Variants in NECTIN2 observed in about 807,000 individuals in gnomAD.
NECTIN2 encodes the protein nectin cell adhesion molecule 2.
In NECTIN2, 23 loss-of-function variants were observed where a neutral mutation model predicts 56.9. The ratio of observed to expected loss-of-function variants is 0.40; its 90% CI spans 0.29 to 0.57. The LOEUF (loss-of-function observed/expected upper bound fraction) is 0.57, where lower values mean the gene tolerates loss of function less well. Ranked by LOEUF, NECTIN2 falls within the 20% of genes least tolerant of loss-of-function variation. The pLI, the probability that NECTIN2 is intolerant of heterozygous loss-of-function variation, is 0.38. For synonymous variants in NECTIN2, 302 were observed against 313.8 expected (o/e 0.96, Z 0.40); for missense variants, 587 against 718.3 (o/e 0.82, Z 2.09).
intron 1 of NECTIN2, among the ~76,000 whole-genome samples, chr19:44,855,242 G>A (rs2927467): frequency 2.3e-3 from 346 of 150,536 alleles, no homozygotes; most frequent in African/African-American, 8.2e-3. Flanking sequence ...TGGCTAACAC[G>A]GTGAAACCCC....
chr19:44,877,856 C>T (rs892146683), intron 5 of NECTIN2, among the ~76,000 whole-genome samples: 3 of 152,178 alleles, frequency 2.0e-5, no homozygotes, highest in African/African-American at 7.2e-5. Flanking sequence ...TTTGGTGTTG[C>T]TAGATCTGAT....
intron 1 of NECTIN2, among the ~76,000 whole-genome samples, chr19:44,860,417 G>GT (rs1330076292): frequency 1.3e-5 from 2 of 152,082 alleles, no homozygotes; most frequent in African/African-American, 4.8e-5. Context: ...GGGGGCTGAG[G>GT]TGGGAGGATC....
Position 44,872,160 on chromosome 19 carries a change from C to T in NECTIN2, c.775+11C>T, listed in dbSNP as rs771281986. The T allele has an allele frequency of 6.8e-6, 11 of 1,606,356 alleles. 1 individual carries two copies. Among genetic ancestry groups the T allele is most frequent in the Admixed American group, 3.3e-5 (2 of 59,828 alleles). On this transcript the variant is annotated intron_variant, in intron 3 of 8. Coordinates refer to ENST00000252483, the MANE Select transcript of NECTIN2 (RefSeq NM_001042724.2). ...CCCTCTCTGTACGCTGTGAGTGTAT[C>T]GGGGGTGACCCCTCCCCCATCAAAA...
chr19:44,869,525 G>C (rs917790764), intron 2 of NECTIN2, among the ~76,000 whole-genome samples: 20 of 148,640 alleles, frequency 1.3e-4, no homozygotes, highest in Admixed American at 2.1e-4. Flanking sequence ...CCCAGGAGGC[G>C]GAGCTTGCAG....
At position 44,885,531 on chromosome 19, in the gene NECTIN2, C is replaced by T. The variant is rs545051471; in HGVS notation, c.1197-406C>T. 1.1e-4 allele frequency among the ~76,000 whole-genome samples: 16 copies of T among 151,890 alleles called. No homozygotes were observed. In the East Asian group the frequency reaches 3.1e-3, roughly 29 times the overall value. Reference sequence around the variant, plus strand: ...TTCACCATGTTGGCCAGGCTGGTCTCGAACTGCTGACCTCAGATGATCCGC... The same window carrying T: ...TTCACCATGTTGGCCAGGCTGGTCTTGAACTGCTGACCTCAGATGATCCGC... On this transcript the variant is annotated intron_variant, in intron 6 of 8. Transcript: ENST00000252483.
chr19:44,873,374 T>G (rs376807325), intron 3 of NECTIN2, among the ~76,000 whole-genome samples: 49 of 152,272 alleles, frequency 3.2e-4, no homozygotes, highest in African/African-American at 1.2e-3. Flanking sequence ...GGCTCACACC[T>G]GCAATCCCAG....
chr19:44,872,808 T>TTTTTATA (rs1189180725), intron 3 of NECTIN2, among the ~76,000 whole-genome samples: 1,528 of 142,188 alleles, frequency 0.011, 25 homozygotes, highest in African/African-American at 0.037. Flanking sequence ...TTATTATTTA[T>TTTTTATA]TATTATATTT....
At chr19:44,851,131 CA>C (rs1476583557) in intron 1 of NECTIN2, among the ~76,000 whole-genome samples, 3 of 148,934 alleles carry the variant, frequency 2.0e-5, no homozygotes, top group Non-Finnish European at 3.0e-5. Context: ...TCCAGGCCCC[CA>C]TCCCTAATCC....
At chr19:44,886,254 G>T in intron 8 of NECTIN2, 35 bp downstream of exon 8, 7 of 1,564,074 alleles carry the variant, frequency 4.5e-6, no homozygotes, top group Non-Finnish European at 6.2e-6. Flanking sequence ...GTGGGTTGGG[G>T]GTCTGGGTTG....
At position 44,872,014 on chromosome 19, in the gene NECTIN2, G is replaced by A; in HGVS notation, c.640G>A (p.Ala214Thr). 1.2e-6 allele frequency: 2 copies of A among 1,614,180 alleles called. No individual in the cohort carries two copies. Among genetic ancestry groups the A allele is most frequent in the Non-Finnish European group, 8.5e-7 (1 of 1,180,042 alleles). ...AGAGACTCAGGTGTCAGGGACCCTG[G>A]CCGGAACTGTCACTGTCACCAGCCG... ...AKETQVSGTLAGTVTVTSRFT... is the reference protein window; with the variant it reads ...AKETQVSGTLTGTVTVTSRFT... The change falls in exon 3 of 9, where the codon GCC becomes ACC. Residue 214 changes from alanine (A) to threonine (T), a missense_variant. Ala to Thr is a moderately conservative substitution (Grantham distance 58, BLOSUM62 0). Transcript: ENST00000252483.
intron 5 of NECTIN2, among the ~76,000 whole-genome samples, chr19:44,876,940 C>G (rs1706450308): frequency 6.6e-6 from 1 of 152,050 alleles, no homozygotes; most frequent in Non-Finnish European, 1.5e-5. Flanking sequence ...TCCAAAACAC[C>G]AATGCCACCT....
intron 1 of NECTIN2, among the ~76,000 whole-genome samples, chr19:44,864,173 A>G (rs1969068595): frequency 6.6e-6 from 1 of 150,612 alleles, no homozygotes; most frequent in Non-Finnish European, 1.5e-5. Context: ...TGTCTCTACC[A>G]AAACAAACAA....
At chr19:44,877,257 C>A (rs1190071956) in intron 5 of NECTIN2, among the ~76,000 whole-genome samples, 3 of 152,086 alleles carry the variant, frequency 2.0e-5, no homozygotes, top group African/African-American at 4.8e-5. Flanking sequence ...GTGAACCCCC[C>A]ACCCCCGTCT....
chr19:44,855,932 AG>A (rs1355795310), intron 1 of NECTIN2, among the ~76,000 whole-genome samples: 2 of 152,192 alleles, frequency 1.3e-5, no homozygotes, highest in African/African-American at 4.8e-5. Flanking sequence ...GTGAAAGAAC[AG>A]CCAGATTCTT....
In NECTIN2 at chr19:44,865,603, G is replaced by A. The variant is rs755458598; in HGVS notation, c.421G>A (p.Glu141Lys). The change falls in exon 2 of 9, where the codon GAG becomes AAG. Residue 141 changes from glutamate (E) to lysine (K), a missense_variant. Transcript: ENST00000252483. The surrounding 1 kb of genome is among the most constrained non-coding windows in gnomAD (Gnocchi z 5.2). Reference sequence around the variant, plus strand: ...GGAGGACGAGGGCAACTACACTTGCGAGTTTGCCACCTTCCCCAAGGGGTC... The same window carrying A: ...GGAGGACGAGGGCAACTACACTTGCAAGTTTGCCACCTTCCCCAAGGGGTC... ...TVEDEGNYTC[E>K]FATFPKGSVR... The A allele has an allele frequency of 9.7e-6, 15 of 1,541,802 alleles. No homozygotes were observed. The highest frequency in any genetic ancestry group is 1.2e-5 in the South Asian group (1 of 84,190).
Position 44,865,177 on chromosome 19 carries a change from A to C in NECTIN2, c.89-94A>C, listed in dbSNP as rs1157779025. On this transcript the variant is annotated intron_variant, in intron 1 of 8. Transcript: ENST00000252483. This position sits in a 1 kb window ranked among gnomAD's most constrained non-coding sequence, Gnocchi z 5.2. The stretch of plus-strand genomic sequence containing the variant: ...TGCCTACGTTGCATGCGGAGCCTGC[A>C]TTTCCCGTGGGGCCCCCTTCGTGGT... 1.2e-5 allele frequency: 16 copies of C among 1,366,920 alleles called. No individual in the cohort carries two copies. Among genetic ancestry groups the C allele is most frequent in the Non-Finnish European group, 1.3e-5 (13 of 1,003,242 alleles). 84.7% of individuals were successfully genotyped at this position (1,366,920 alleles called of 1,614,324 possible). A position where few individuals can be genotyped will look rare whatever the true frequency, so the allele number is the denominator to read the frequency against.
chr19:44,866,331 G>A (rs1481251032), intron 2 of NECTIN2, among the ~76,000 whole-genome samples: 2 of 152,012 alleles, frequency 1.3e-5, no homozygotes, highest in Non-Finnish European at 2.9e-5. Context: ...CTTGAGACCA[G>A]GAATTTGAGG....
rs1286517892 is a variant in NECTIN2, at chr19:44,875,959, C to T, written c.1042+1481C>T. Among the ~76,000 whole-genome samples the T allele has an allele frequency of 2.6e-5, 4 of 152,130 alleles. No homozygotes were observed. The highest frequency in any genetic ancestry group is 7.2e-5 in the African/African-American group (3 of 41,400). ...CCCGGAGGAAGACGTCACACAGACACGCTGGGGGCAAAACTAATCCAGGAC... is the reference window on the plus strand; with the variant it reads ...CCCGGAGGAAGACGTCACACAGACATGCTGGGGGCAAAACTAATCCAGGAC... On this transcript the variant is annotated intron_variant, in intron 5 of 8. Transcript: ENST00000252483. This position sits in a 1 kb window ranked among gnomAD's most constrained non-coding sequence, Gnocchi z 4.2.
chr19:44,878,244 G>A (rs747714386), intron 5 of NECTIN2: 20 of 802,252 alleles, frequency 2.5e-5, no homozygotes, highest in South Asian at 2.0e-4. Context: ...GCCTCGCCCC[G>A]AGATGTGGGC....
Sources: allele counts gnomAD v4.1 joint callset (sites outside exome capture counted in the v4.1 genomes callset), GRCh38; gene constraint gnomAD v4.1.1; non-coding constraint Gnocchi (gnomAD v3.1); transcripts MANE v1.5; gene names NCBI Gene and HGNC (gene_info 2026-07-23, HGNC 2026-07-21).